The following TEX11 variants were observed in gnomAD, a reference collection of about 807,000 sequenced individuals.
TEX11 encodes the protein testis-expressed protein 11.
TEX11 carries 7 observed loss-of-function variants against 84.4 expected under a neutral mutation model. That is an observed-to-expected ratio of 0.08 (90% CI 0.05 to 0.16). The LOEUF (loss-of-function observed/expected upper bound fraction) is 0.16, where lower values mean the gene tolerates loss of function less well. TEX11 is among the 10% of genes least tolerant of loss of function. The pLI, the probability that TEX11 is intolerant of heterozygous loss-of-function variation, is 1.00. For missense variants in TEX11, 551 were observed against 660.5 expected (o/e 0.83, Z 1.82); for synonymous variants, 264 against 222.8 (o/e 1.18, Z -1.64).
At chrX:70,683,554 C>T (rs2090163490) in intron 13 of TEX11, among the ~76,000 whole-genome samples, 1 of 111,295 alleles carries the variant, frequency 9.0e-6, no homozygotes, top group African/African-American at 3.3e-5. Context: ...CCTGGGAGGT[C>T]AAGGCTGCAG....
At chrX:70,670,645 T>A in intron 15 of TEX11, 131 bp from the exon 16 acceptor site, 2 of 726,709 alleles carry the variant, frequency 2.8e-6, no homozygotes, top group Non-Finnish European at 3.9e-6. Flanking sequence ...ATCCTTTATA[T>A]AGGGTTCTAA....
At chrX:70,730,317 G>A (rs1220492298) in intron 11 of TEX11, among the ~76,000 whole-genome samples, 1 of 111,826 alleles carries the variant, frequency 8.9e-6, no homozygotes, top group Non-Finnish European at 1.9e-5. Context: ...AACCTTACAT[G>A]TTAATGCGCT....
chrX:70,737,443 A>T (rs2090703951), intron 11 of TEX11, among the ~76,000 whole-genome samples: 1 of 111,219 alleles, frequency 9.0e-6, no homozygotes, highest in Non-Finnish European at 1.9e-5. Context: ...GAACTTTTCA[A>T]ACATAATGAA....
chrX:70,848,775 ACT>A (rs1196088370), intron 7 of TEX11, among the ~76,000 whole-genome samples: 1 of 111,998 alleles, frequency 8.9e-6, no homozygotes, highest in Non-Finnish European at 1.9e-5. Context: ...GCTGGCTTTC[ACT>A]TGGCTTGTAT....
intron 7 of TEX11, among the ~76,000 whole-genome samples, chrX:70,840,437 T>A (rs1340226792): frequency 9.0e-6 from 1 of 111,312 alleles, no homozygotes. Flanking sequence ...GCTGAGAGAT[T>A]TTGTCACCAC....
At chrX:70,788,977 G>T (rs371842189) in intron 9 of TEX11, among the ~76,000 whole-genome samples, 684 of 25,022 alleles carry the variant, frequency 0.027, no homozygotes, top group African/African-American at 0.044. Flanking sequence ...TATATATAGA[G>T]AGAGAGAGAG....
chrX:70,878,596 A>G (rs1181179661), intron 3 of TEX11, among the ~76,000 whole-genome samples: 1 of 109,719 alleles, frequency 9.1e-6, no homozygotes, highest in Non-Finnish European at 1.9e-5. Flanking sequence ...CGTTGTGCAC[A>G]TGTACCCTAG....
At chrX:70,800,559 C>A (rs2091181159) in intron 9 of TEX11, among the ~76,000 whole-genome samples, 1 of 110,789 alleles carries the variant, frequency 9.0e-6, no homozygotes, top group Admixed American at 9.6e-5. Flanking sequence ...TTAACTTGGG[C>A]AATAACAAAA....
At chrX:70,877,224 G>T (rs1040794963) in intron 3 of TEX11, among the ~76,000 whole-genome samples, 1 of 110,121 alleles carries the variant, frequency 9.1e-6, no homozygotes, top group African/African-American at 3.3e-5. Flanking sequence ...AAACCAGGAG[G>T]CAGAGGTTGC....
At chrX:70,539,286 G>A (rs998906403) in intron 28 of TEX11, among the ~76,000 whole-genome samples, 6 of 108,051 alleles carry the variant, frequency 5.6e-5, no homozygotes, top group African/African-American at 1.3e-4. Flanking sequence ...CATCCGCCTC[G>A]GCCTCCCAAA....
At chrX:70,744,091 C>T in intron 10 of TEX11, 74 bp downstream of exon 10, 3 of 605,602 alleles carry the variant, frequency 5.0e-6, no homozygotes, top group Non-Finnish European at 7.0e-6. Flanking sequence ...GGGGAGTACG[C>T]TATTATAATT....
At chrX:70,592,440 T>C (rs2088945264) in intron 24 of TEX11, among the ~76,000 whole-genome samples, 1 of 111,301 alleles carries the variant, frequency 9.0e-6, no homozygotes, top group East Asian at 2.8e-4. Context: ...CAGATCTCTA[T>C]TGTAGAAGCT....
intron 28 of TEX11, among the ~76,000 whole-genome samples, chrX:70,550,883 A>C (rs867764707): frequency 8.9e-5 from 10 of 111,905 alleles, no homozygotes; most frequent in African/African-American, 3.2e-4. Flanking sequence ...CGTATGATCC[A>C]GCAATCCCAC....
At chrX:70,690,128 C>T (rs1207296577) in intron 13 of TEX11, among the ~76,000 whole-genome samples, 1 of 110,902 alleles carries the variant, frequency 9.0e-6, no homozygotes, top group Admixed American at 9.6e-5. Flanking sequence ...ACTACTATGG[C>T]CAAATGAAGT....
At chrX:70,857,383 G>T (rs1470950515) in intron 5 of TEX11, 2 of 142,662 alleles carry the variant, frequency 1.4e-5, no homozygotes, top group Non-Finnish European at 2.9e-5. Flanking sequence ...ATGCAAAGTT[G>T]TCATCTATAC....
At chrX:70,704,779 T>C (rs1339257060) in intron 13 of TEX11, among the ~76,000 whole-genome samples, 2 of 111,240 alleles carry the variant, frequency 1.8e-5, no homozygotes, top group African/African-American at 6.5e-5. Flanking sequence ...ACTTTTATCG[T>C]TTATGACAAG....
intron 13 of TEX11, among the ~76,000 whole-genome samples, chrX:70,687,349 A>T (rs1484897715): frequency 8.9e-6 from 1 of 112,170 alleles, no homozygotes; most frequent in Non-Finnish European, 1.9e-5. Flanking sequence ...CAATATTCTT[A>T]AGTATTTAAT....
rs757005165 is a variant in TEX11 at position 70,749,453 on chromosome X, A to C, written c.693-5234T>G. On this transcript the variant is annotated intron_variant, in intron 9 of 29. Coordinates refer to ENST00000374333, the MANE Select transcript of TEX11 (RefSeq NM_031276.3). ...AATTGCCCTGGCCAGAACTTCCAAC[A>C]CCATGTTGAATAGGAGTGGTGAGAG... Among the ~76,000 whole-genome samples, 446 of 110,385 alleles carry C rather than the reference A, an allele frequency of 4.0e-3. 4 individuals carry two copies. The highest frequency in any genetic ancestry group is 0.014 in the African/African-American group (424 of 30,273).
At chrX:70,604,627 A>G (rs942981332) in intron 24 of TEX11, among the ~76,000 whole-genome samples, 15 of 111,650 alleles carry the variant, frequency 1.3e-4, no homozygotes, top group African/African-American at 4.6e-4. Context: ...CAGGAGGAAG[A>G]GAATAAACAG....
Sources: gnomAD v4.1 joint callset for allele counts (sites outside exome capture counted in the v4.1 genomes callset) on GRCh38, gnomAD v4.1.1 for gene constraint, MANE v1.5 for transcripts, NCBI Gene and HGNC (gene_info 2026-07-23, HGNC 2026-07-21) for gene names.